The following ADCY8 variants were observed in gnomAD, a reference collection of about 807,000 sequenced individuals.
ADCY8 encodes the protein adenylate cyclase type 8.
ADCY8 carries 51 observed loss-of-function variants against 119.7 expected under a neutral mutation model. The ratio of observed to expected loss-of-function variants is 0.43; its 90% confidence interval spans 0.34 to 0.54. ADCY8 has a LOEUF of 0.54. Among genes scored for constraint, ADCY8 ranks in the 20% least tolerant of loss-of-function variants. The pLI is 0.03. For synonymous variants in ADCY8, 665 were observed against 651.0 expected (o/e 1.02, Z -0.33); for missense variants, 1,383 against 1,598.8 (o/e 0.87, Z 2.30).
At position 130,780,690 on chromosome 8, in the gene ADCY8, C is replaced by G. The variant is rs771008212; in HGVS notation, c.3456G>C (p.Glu1152Asp). Residue 1152 changes from glutamate (E) to aspartate (D), a missense_variant, in exon 18 of 18, where the codon GAG becomes GAC. Physicochemically the swap from Glu to Asp is conservative, Grantham distance 45. Around this residue, in one of 2 missense-constraint regions of ADCY8, gnomAD observed 928 missense variants for 1,163.5 expected, o/e 0.80. Transcript: ENST00000286355. ...DQGFAFDYRG[E>D]IYVKGISEQE... Reference sequence around the variant, plus strand: ...GTTCACTGATACCCTTCACATAGATCTCCCCTCGGTAATCAAAGGCAAAGC... The same window carrying G: ...GTTCACTGATACCCTTCACATAGATGTCCCCTCGGTAATCAAAGGCAAAGC... 5.8e-5 allele frequency: 94 copies of G among 1,614,072 alleles called. No homozygotes were observed. Among genetic ancestry groups the G allele is most frequent in the Non-Finnish European group, 7.5e-5 (89 of 1,180,028 alleles).
chr8:130,783,683 C>G lies in ADCY8; in HGVS notation c.3268+8G>C. 1.2e-6 allele frequency: 2 copies of G among 1,606,028 alleles called. No individual in the cohort carries two copies. Among genetic ancestry groups the G allele is most frequent in the South Asian group, 1.1e-5 (1 of 90,148 alleles). ...CTCTATCAGGCCCCACCTGCAGCTG[C>G]TACTCACCAATCCGGAGTTCAAAAT... On this transcript the variant is annotated splice_region_variant and intron_variant, in intron 17 of 17. Coordinates refer to ENST00000286355, the MANE Select transcript of ADCY8 (RefSeq NM_001115.3).
At chr8:130,909,894 C>T in intron 5 of ADCY8, 28 bp from the exon 6 acceptor site, 1 of 1,604,680 alleles carries the variant, frequency 6.2e-7, no homozygotes. Flanking sequence ...TGGAGAGACA[C>T]ATGTATAAGA....
At chr8:131,005,265 T>C (rs1280811910) in intron 1 of ADCY8, among the ~76,000 whole-genome samples, 1 of 152,216 alleles carries the variant, frequency 6.6e-6, no homozygotes, top group Admixed American at 6.5e-5. Context: ...AAGCGCTGTC[T>C]ACAAAATACT....
chr8:130,873,580 A>G (rs1230416874), intron 8 of ADCY8, among the ~76,000 whole-genome samples: 2 of 152,162 alleles, frequency 1.3e-5, no homozygotes, highest in Non-Finnish European at 2.9e-5. Context: ...TCAGCCTTCC[A>G]AAGTGCTGGG....
chr8:130,785,636 C>A (rs781632703), intron 15 of ADCY8, among the ~76,000 whole-genome samples, 161 bp from the exon 16 acceptor site: 1 of 152,218 alleles, frequency 6.6e-6, no homozygotes, highest in Non-Finnish European at 1.5e-5. Flanking sequence ...CAGCCAGTCA[C>A]ATATATTTAA....
chr8:130,965,929 A>G (rs67647540), intron 2 of ADCY8, among the ~76,000 whole-genome samples: 7,902 of 152,272 alleles, frequency 0.052, 229 homozygotes, highest in African/African-American at 0.062. Context: ...CCTCCCTAGA[A>G]TGTGAAATAT....
chr8:130,835,835 T>A (rs557560127), intron 12 of ADCY8, among the ~76,000 whole-genome samples: 4 of 152,306 alleles, frequency 2.6e-5, no homozygotes, highest in South Asian at 2.1e-4. Flanking sequence ...TAATTTTTTT[T>A]AAAGTATTTT....
chr8:130,904,731 G>C (rs575583450), intron 6 of ADCY8, among the ~76,000 whole-genome samples: 1 of 152,314 alleles, frequency 6.6e-6, no homozygotes, highest in South Asian at 2.1e-4. Context: ...CTGCACAATT[G>C]TCAGCCACTG....
Position 130,957,155 on chromosome 8 carries a change from G to A in ADCY8, c.1111-5157C>T, listed in dbSNP as rs181541948. ...AAAGTTTGGAACTCCCTAGAGACTT[G>A]TTGAATGGCTTTGACCATAATGCTG... On this transcript the variant is annotated intron_variant, in intron 2 of 17. Coordinates refer to ENST00000286355, the MANE Select transcript of ADCY8 (RefSeq NM_001115.3). Among the ~76,000 whole-genome samples, 599 of 152,290 alleles carry A rather than the reference G, an allele frequency of 3.9e-3. 3 individuals carry two copies. The highest frequency in any genetic ancestry group is 0.014 in the African/African-American group (579 of 41,550).
chr8:130,988,329 C>G (rs1324452855), intron 2 of ADCY8, among the ~76,000 whole-genome samples: 1 of 152,180 alleles, frequency 6.6e-6, no homozygotes, highest in Non-Finnish European at 1.5e-5. Context: ...CAACATGCCA[C>G]AAACTTCTTA....
intron 1 of ADCY8, among the ~76,000 whole-genome samples, chr8:131,013,028 TTTAA>T (rs1414004119): frequency 1.3e-5 from 2 of 152,174 alleles, no homozygotes; most frequent in Non-Finnish European, 2.9e-5. Context: ...AATCAATGGA[TTTAA>T]TTAGTTTGTA....
At chr8:130,964,158 C>T (rs2130690172) in intron 2 of ADCY8, among the ~76,000 whole-genome samples, 1 of 152,302 alleles carries the variant, frequency 6.6e-6, no homozygotes, top group Non-Finnish European at 1.5e-5. Context: ...TAAATCATCA[C>T]CTGTACCACC....
intron 1 of ADCY8, among the ~76,000 whole-genome samples, chr8:131,027,341 A>G (rs181377855): frequency 2.6e-4 from 39 of 152,340 alleles, no homozygotes; most frequent in Non-Finnish European, 4.6e-4. Context: ...ATTGTCCTAG[A>G]AAACACACAC....
At chr8:131,006,900 C>G (rs1823136558) in intron 1 of ADCY8, among the ~76,000 whole-genome samples, 1 of 152,164 alleles carries the variant, frequency 6.6e-6, no homozygotes, top group African/African-American at 2.4e-5. Flanking sequence ...ATTTCAGTTT[C>G]TTGATGATAT....
At chr8:130,912,201 A>C (rs1372875722) in intron 5 of ADCY8, among the ~76,000 whole-genome samples, 1 of 152,138 alleles carries the variant, frequency 6.6e-6, no homozygotes, top group African/African-American at 2.4e-5. Flanking sequence ...GGTGAACAGT[A>C]ATTAGGGTGC....
rs751294379 is a variant in ADCY8 at position 130,909,679 on chromosome 8, AG to A, written c.1640+28del. ...CAAAATAAGCCAATGACAACCGTTA[AG>A]CATGAAAAGGGCTTTGCTTTATCTT... On this transcript the variant is annotated intron_variant, in intron 6 of 17. Coordinates refer to ENST00000286355, the MANE Select transcript of ADCY8 (RefSeq NM_001115.3). The A allele has an allele frequency of 3.1e-6, 5 of 1,613,666 alleles. No individual in the cohort carries two copies. The South Asian group carries it at 4.4e-5, about 14-fold the overall frequency.
chr8:130,992,164 C>T (rs773769479), intron 1 of ADCY8, among the ~76,000 whole-genome samples: 2 of 150,632 alleles, frequency 1.3e-5, no homozygotes, highest in African/African-American at 2.4e-5. Context: ...ACTGCAACCT[C>T]TGCCTCTGGG....
chr8:130,874,514 G>A (rs1300540967), intron 8 of ADCY8, among the ~76,000 whole-genome samples: 1 of 152,012 alleles, frequency 6.6e-6, no homozygotes, highest in Non-Finnish European at 1.5e-5. Flanking sequence ...TGTGCAGAAT[G>A]TCTCACTGAC....
At chr8:130,989,353 C>T (rs1822503512) in intron 2 of ADCY8, among the ~76,000 whole-genome samples, 2 of 152,128 alleles carry the variant, frequency 1.3e-5, no homozygotes, top group Admixed American at 1.3e-4. Flanking sequence ...TCAAAGATCC[C>T]TGACTTCCTG....
Sources: gnomAD v4.1 joint callset for allele counts (sites outside exome capture counted in the v4.1 genomes callset) on GRCh38, gnomAD v4.1.1 for gene constraint, gnomAD v4.1.1 regional missense constraint, MANE v1.5 for transcripts, NCBI Gene and HGNC (gene_info 2026-07-23, HGNC 2026-07-21) for gene names.